The following CEP164 variants were observed in gnomAD, a reference collection of about 807,000 sequenced individuals.
The protein encoded by CEP164 is centrosomal protein 164.
In CEP164, 162 loss-of-function variants were observed where a neutral mutation model predicts 182.7. The observed-to-expected ratio is 0.89, with a 90% CI of 0.78 to 1.01. CEP164 has a LOEUF of 1.01. CEP164 is among the 50% of genes least tolerant of loss of function. The pLI is 0.00. For synonymous variants in CEP164, 661 were observed against 690.0 expected (o/e 0.96, Z 0.66); for missense variants, 1,735 against 1,790.4 (o/e 0.97, Z 0.56).
At position 117,410,859 on chromosome 11, in the gene CEP164, C is replaced by T; in HGVS notation, c.4128C>T (p.Thr1376=). The T allele has an allele frequency of 6.2e-7, 1 of 1,613,342 alleles. No individual in the cohort carries two copies. Among genetic ancestry groups the T allele is most frequent in the Non-Finnish European group, 8.5e-7 (1 of 1,179,698 alleles). ...TCCCGCTGCTCAGCAACAGCCCCAC[C>T]CCGCTGGAGAGCAGGCTGGGTTACA... is the stretch of plus-strand genomic sequence containing the variant. ...SGIPLLSNSP[T]PLESRLGYMS... Residue 1376 remains threonine, a synonymous_variant, in exon 31 of 33, where the codon ACC becomes ACT. Transcript: ENST00000278935.
chr11:117,329,839 C>CTTTTTTT (rs61429989), intron 1 of CEP164, among the ~76,000 whole-genome samples: 3 of 95,572 alleles, frequency 3.1e-5, no homozygotes, highest in Admixed American at 2.7e-4. Flanking sequence ...TGCGCCTGGC[C>CTTTTTTT]TTTTTTTTTT....
chr11:117,395,296 GT>G, intron 23 of CEP164, 105 bp downstream of exon 23: 1 of 1,377,692 alleles, frequency 7.3e-7, no homozygotes, highest in Non-Finnish European at 1.0e-6. Flanking sequence ...GGGCACTGGG[GT>G]TCCAAACTCT....
intron 1 of CEP164, among the ~76,000 whole-genome samples, chr11:117,330,920 T>TA (rs534735534): frequency 1.1e-4 from 16 of 152,366 alleles, no homozygotes; most frequent in African/African-American, 3.8e-4. Flanking sequence ...GCTGTCCAGC[T>TA]AGTAAGAGGC....
rs148498531 is a variant in CEP164 at position 117,361,975 on chromosome 11, G to A, written c.534G>A (p.Gln178=). 51 of 1,580,346 alleles carry A rather than the reference G, an allele frequency of 3.2e-5. 3 individuals carry two copies. The African/African-American group carries it at 6.0e-4, about 19-fold the overall frequency. ...GGAGCTCAGTGGAGTCTGGACGTCA[G>A]CTTGGAGAACTCATGCTGGTAAGTA... is the stretch of plus-strand genomic sequence containing the variant. ...SLGSSVESGR[Q]LGELMLPSQG... The change falls in exon 6 of 33, where the codon CAG becomes CAA. Residue 178 remains glutamine, a synonymous_variant. Coordinates refer to ENST00000278935, the MANE Select transcript of CEP164 (RefSeq NM_014956.5).
Position 117,409,631 on chromosome 11 carries a change from G to T in CEP164, c.3762G>T (p.Pro1254=). The T allele has an allele frequency of 6.2e-7, 1 of 1,607,528 alleles. No individual in the cohort carries two copies. The highest frequency in any genetic ancestry group is 8.5e-7 in the Non-Finnish European group (1 of 1,174,818). ...CTTTTCTTTCAGTCGACTCAACCCCGAGTCTCACCTCCCGCAAGATCCACG... is the reference window on the plus strand; with the variant it reads ...CTTTTCTTTCAGTCGACTCAACCCCTAGTCTCACCTCCCGCAAGATCCACG... ...WWRQQRIDST[P]SLTSRKIHGL... Residue 1254 remains proline (P), a synonymous_variant, in exon 30 of 33, where the codon CCG becomes CCT. Coordinates refer to ENST00000278935, the MANE Select transcript of CEP164 (RefSeq NM_014956.5). This position sits in a 1 kb window ranked among gnomAD's most constrained non-coding sequence, Gnocchi z 4.4.
intron 8 of CEP164, among the ~76,000 whole-genome samples, chr11:117,370,222 G>C (rs2042064763): frequency 6.6e-6 from 1 of 151,784 alleles, no homozygotes; most frequent in Non-Finnish European, 1.5e-5. Context: ...AGTCGGCAGT[G>C]CTCGGTGAGG....
At chr11:117,364,656 G>A (rs1353574047) in intron 8 of CEP164, among the ~76,000 whole-genome samples, 6 of 150,762 alleles carry the variant, frequency 4.0e-5, no homozygotes, top group South Asian at 2.1e-4. Context: ...ACAGGCGCCC[G>A]CCACCACACC....
intron 2 of CEP164, among the ~76,000 whole-genome samples, 175 bp downstream of exon 2, chr11:117,335,855 C>T (rs1437910259): frequency 6.6e-6 from 1 of 152,078 alleles, no homozygotes; most frequent in South Asian, 2.1e-4. Context: ...ATTAAATTTC[C>T]ACAAACCTCC....
In CEP164 at chr11:117,382,911, G is replaced by A. The variant is rs751562871; in HGVS notation, c.1693G>A (p.Val565Ile). The change falls in exon 14 of 33, where the codon GTC (valine) becomes ATC (isoleucine). Residue 565 changes from valine (V) to isoleucine (I), a missense_variant. Transcript: ENST00000278935. ...EAEDPEEKVA[V>I]SPTPPVSPEV... ...AGAGGATCCTGAGGAGAAGGTGGCG[G>A]TCAGCCCCACCCCGCCAGTCTCTCC... is the stretch of plus-strand genomic sequence containing the variant. 6.2e-7 allele frequency: 1 copy of A among 1,611,928 alleles called. No individual in the cohort carries two copies. Among genetic ancestry groups the A allele is most frequent in the South Asian group, 1.1e-5 (1 of 90,906 alleles).
At chr11:117,370,332 T>C (rs1405177736) in intron 8 of CEP164, among the ~76,000 whole-genome samples, 2 of 152,130 alleles carry the variant, frequency 1.3e-5, no homozygotes, top group African/African-American at 2.4e-5. Flanking sequence ...CTATTAAACA[T>C]GAAAAATAGA....
At chr11:117,378,132 G>A (rs375489386) in intron 11 of CEP164, among the ~76,000 whole-genome samples, 2 of 152,172 alleles carry the variant, frequency 1.3e-5, no homozygotes, top group Admixed American at 6.5e-5. Flanking sequence ...GCCCCCCAAA[G>A]TGCTGGGATT....
chr11:117,344,384 C>T (rs568097397), intron 4 of CEP164, 107 bp downstream of exon 4: 28 of 700,030 alleles, frequency 4.0e-5, no homozygotes, highest in East Asian at 3.5e-4. Context: ...CTATCCTGTA[C>T]AGTCAGGGAC....
At chr11:117,329,705 C>A (rs1463013335) in intron 1 of CEP164, among the ~76,000 whole-genome samples, 1 of 152,058 alleles carries the variant, frequency 6.6e-6, no homozygotes, top group Non-Finnish European at 1.5e-5. Flanking sequence ...CAACTCCTGG[C>A]TAATTTTTTG....
At chr11:117,355,287 G>A (rs1304081417) in intron 5 of CEP164, 1 of 1,289,672 alleles carries the variant, frequency 7.8e-7, no homozygotes, top group African/African-American at 1.5e-5. Context: ...ATCTACCTGG[G>A]GTTTTCAGAT....
Position 117,411,971 on chromosome 11 carries a change from GC to G in CEP164, c.4286+57del. ...GCTGGGCTGTGGGGACTGTGCTTGT[GC>G]CCTGAGGGGCTGAGGAGGATCCTGT... On this transcript the variant is annotated intron_variant, in intron 32 of 32. Coordinates refer to ENST00000278935, the MANE Select transcript of CEP164 (RefSeq NM_014956.5). The surrounding 1 kb of genome is among the most constrained non-coding windows in gnomAD (Gnocchi z 4.4). 6.2e-7 allele frequency: 1 copy of G among 1,611,666 alleles called. No homozygotes were observed. Among genetic ancestry groups the G allele is most frequent in the South Asian group, 1.1e-5 (1 of 90,504 alleles).
chr11:117,361,465 C>T (rs1206719351), intron 5 of CEP164, among the ~76,000 whole-genome samples: 1 of 151,920 alleles, frequency 6.6e-6, no homozygotes, highest in Non-Finnish European at 1.5e-5. Flanking sequence ...TGGTCTCAGA[C>T]TCCTGACCTC....
Position 117,395,139 on chromosome 11 carries a change from G to A in CEP164, c.2861G>A (p.Arg954Lys), listed in dbSNP as rs1261963551. 1 of 1,614,168 alleles carries A rather than the reference G, an allele frequency of 6.2e-7. No homozygotes were observed. The change falls in exon 23 of 33, where the codon AGG becomes AAG. Residue 954 changes from arginine (R) to lysine (K), a missense_variant. Physicochemically the swap from Arg to Lys is conservative, Grantham distance 26. Transcript: ENST00000278935. ...CCCTGCAAGGAGGAGACCGCCCGGA[G>A]GGAGAAGCAGCAGCTGCTTGATGTG... is the stretch of plus-strand genomic sequence containing the variant. Reference protein sequence around the residue: ...LLEVQEETARREKQQLLDVQR... With the variant: ...LLEVQEETARKEKQQLLDVQR...
Position 117,390,992 on chromosome 11 carries a change from C to T in CEP164, c.2067-7C>T. The T allele has an allele frequency of 1.2e-6, 2 of 1,613,920 alleles. No individual in the cohort carries two copies. The highest frequency in any genetic ancestry group is 4.5e-5 in the East Asian group (2 of 44,862). ...AGGCCCGTTACCATTCCACTGTGTCCACCCAGGGCTGAGCAAGAGGCTTCC... is the reference window on the plus strand; with the variant it reads ...AGGCCCGTTACCATTCCACTGTGTCTACCCAGGGCTGAGCAAGAGGCTTCC... On this transcript the variant is annotated splice_region_variant and splice_polypyrimidine_tract_variant and intron_variant, in intron 16 of 32. Transcript: ENST00000278935.
chr11:117,392,624 C>G lies in CEP164; in HGVS notation c.2490C>G (p.His830Gln), dbSNP rs532278621. The G allele has an allele frequency of 1.2e-6, 2 of 1,613,798 alleles. No individual in the cohort carries two copies. The highest frequency in any genetic ancestry group is 1.7e-6 in the Non-Finnish European group (2 of 1,179,898). Residue 830 changes from histidine (H) to glutamine (Q), a missense_variant, in exon 19 of 33, where the codon CAC (histidine) becomes CAG (glutamine). His to Gln is a conservative substitution (Grantham distance 24, BLOSUM62 0). Transcript: ENST00000278935. ...CTTATCACGTGGCTGGGTATGAGCACGAGGTGAGTGCTGCTCTGTCTTCCA... is the reference window on the plus strand; with the variant it reads ...CTTATCACGTGGCTGGGTATGAGCAGGAGGTGAGTGCTGCTCTGTCTTCCA... ...QKSYHVAGYE[H>Q]ELSSLLREKR... is the part of the protein sequence containing the mutation.
Sources: allele counts gnomAD v4.1 joint callset (sites outside exome capture counted in the v4.1 genomes callset), GRCh38; gene constraint gnomAD v4.1.1; non-coding constraint Gnocchi (gnomAD v3.1); transcripts MANE v1.5; gene names NCBI Gene and HGNC (gene_info 2026-07-23, HGNC 2026-07-21).